Variants in DNAH7 observed in about 807,000 individuals in gnomAD.
The protein encoded by DNAH7 is axonemal beta dynein heavy chain 7.
Under a neutral mutation model 444.6 loss-of-function variants are expected in DNAH7, and 397 were observed. The ratio of observed to expected loss-of-function variants is 0.89; its 90% CI spans 0.82 to 0.97. DNAH7 has a LOEUF of 0.97. DNAH7 is among the 50% of genes least tolerant of loss of function. The probability of loss-of-function intolerance (pLI) is 0.00; values close to 1 mark genes in which losing one functional copy is unlikely to be tolerated. For missense variants in DNAH7, 4,902 were observed against 4,800.8 expected, an observed-to-expected ratio of 1.02 and a Z score of -0.62; for synonymous variants, 1,636 against 1,624.4, an observed-to-expected ratio of 1.01 and a Z score of -0.17.
intron 17 of DNAH7, among the ~76,000 whole-genome samples, chr2:195,968,610 T>A (rs1691642546): frequency 6.6e-6 from 1 of 152,128 alleles, no homozygotes; most frequent in Non-Finnish European, 1.5e-5. Flanking sequence ...CATAAGCACT[T>A]CCTCAGCCAC....
chr2:195,849,702 GCAATC>G (rs1699232426), intron 46 of DNAH7, among the ~76,000 whole-genome samples: 1 of 152,070 alleles, frequency 6.6e-6, no homozygotes, highest in Non-Finnish European at 1.5e-5. Flanking sequence ...CTGGGCTCAA[GCAATC>G]CACCCACCTC....
intron 15 of DNAH7, 37 bp from the exon 16 acceptor site, chr2:195,972,503 G>C: frequency 2.0e-6 from 3 of 1,486,024 alleles, no homozygotes; most frequent in Non-Finnish European, 2.8e-6. Context: ...ACATTTTAAC[G>C]AACAGCTCAT....
At chr2:196,005,728 A>G (rs924709563) in intron 10 of DNAH7, among the ~76,000 whole-genome samples, 4 of 152,182 alleles carry the variant, frequency 2.6e-5, no homozygotes, top group Non-Finnish European at 4.4e-5. Flanking sequence ...AATAATTTAC[A>G]AACCTTCCAG....
At position 195,960,713 on chromosome 2, in the gene DNAH7, G is replaced by A; in HGVS notation, c.2438C>T (p.Thr813Ile). 1.2e-6 allele frequency: 2 copies of A among 1,614,086 alleles called. No individual in the cohort carries two copies. The highest frequency in any genetic ancestry group is 1.7e-6 in the Non-Finnish European group (2 of 1,180,010). ...YWRGLYKLEK[T>I]FHDSPYALAM... The stretch of plus-strand genomic sequence containing the variant: ...CAATGCATATGGAGAATCATGAAAG[G>A]TTTTCTCCAGTTTATATAATCCTCT... The change falls in exon 18 of 65, where the codon ACC becomes ATC. Residue 813 changes from threonine to isoleucine, a missense_variant. Transcript: ENST00000312428.
intron 19 of DNAH7, among the ~76,000 whole-genome samples, chr2:195,955,192 A>C (rs1456991127): frequency 6.6e-6 from 1 of 152,156 alleles, no homozygotes; most frequent in African/African-American, 2.4e-5. Flanking sequence ...ATCTTGACTT[A>C]ATTTTTGTAT....
intron 54 of DNAH7, among the ~76,000 whole-genome samples, chr2:195,801,960 T>C (rs1476467120): frequency 2.0e-5 from 3 of 152,184 alleles, no homozygotes; most frequent in Non-Finnish European, 4.4e-5. Context: ...AACACATTTA[T>C]AAATGCCTGA....
intron 10 of DNAH7, among the ~76,000 whole-genome samples, chr2:196,004,173 C>T (rs1253435526): frequency 1.3e-5 from 2 of 152,112 alleles, no homozygotes; most frequent in Admixed American, 6.5e-5. Context: ...AAAAGGGAGG[C>T]ACTGAACTGG....
chr2:195,876,557 AAAG>A lies in DNAH7; in HGVS notation c.6101_6103del (p.Pro2034del). Reference sequence around the variant, plus strand: ...AAGAGTCATTACCATTCTCTTGCCCAAAGGAGGACCAAAAACTCCCTTTCTTCT... The same window carrying A: ...AAGAGTCATTACCATTCTCTTGCCCAGAGGACCAAAAACTCCCTTTCTTCT... On this transcript the variant is annotated inframe_deletion, in exon 37 of 65. Transcript: ENST00000312428. The A allele has an allele frequency of 6.2e-7, 1 of 1,613,864 alleles. No individual in the cohort carries two copies. The highest frequency in any genetic ancestry group is 8.5e-7 in the Non-Finnish European group (1 of 1,179,844).
chr2:195,824,498 A>G (rs1697624707), intron 48 of DNAH7, 53 bp from the exon 49 acceptor site: 2 of 1,414,178 alleles, frequency 1.4e-6, no homozygotes, highest in Non-Finnish European at 1.9e-6. Context: ...GACTATAAAT[A>G]TTATAAATAT....
At chr2:195,803,200 G>T (rs113939641) in intron 54 of DNAH7, among the ~76,000 whole-genome samples, 255 of 152,300 alleles carry the variant, frequency 1.7e-3, no homozygotes, top group African/African-American at 6.1e-3. Flanking sequence ...CTAACTTCAT[G>T]AAATTATAGT....
intron 17 of DNAH7, among the ~76,000 whole-genome samples, chr2:195,963,897 T>C (rs1691284026): frequency 6.6e-6 from 1 of 152,358 alleles, no homozygotes; most frequent in South Asian, 2.1e-4. Flanking sequence ...CTTGGCACTT[T>C]TCTCTAAAAT....
intron 48 of DNAH7, among the ~76,000 whole-genome samples, chr2:195,827,420 G>A (rs555013558): frequency 3.3e-4 from 50 of 151,944 alleles, no homozygotes; most frequent in Admixed American, 6.6e-4. Context: ...TGGGACTACA[G>A]GTGGGTACCA....
intron 46 of DNAH7, 151 bp from the exon 47 acceptor site, chr2:195,845,316 T>C: frequency 1.7e-6 from 1 of 605,000 alleles, no homozygotes; most frequent in Non-Finnish European, 2.6e-6. Flanking sequence ...CAGATTCTTA[T>C]TTCAAATAAA....
chr2:195,765,353 C>A (rs1021745285), intron 61 of DNAH7, among the ~76,000 whole-genome samples: 11 of 152,034 alleles, frequency 7.2e-5, no homozygotes, highest in Non-Finnish European at 1.5e-5. Flanking sequence ...CAGGCACAGA[C>A]AAACAAAGCA....
intron 22 of DNAH7, among the ~76,000 whole-genome samples, chr2:195,924,851 A>T (rs1322701656): frequency 6.6e-6 from 1 of 152,222 alleles, no homozygotes; most frequent in Non-Finnish European, 1.5e-5. Flanking sequence ...AAATCTAATG[A>T]GTAAGTTAAA....
intron 58 of DNAH7, among the ~76,000 whole-genome samples, chr2:195,786,413 T>C (rs746412421): frequency 4.6e-5 from 7 of 152,156 alleles, no homozygotes; most frequent in East Asian, 1.9e-4. Context: ...AAAAATCCCA[T>C]TGATAAATAG....
At position 195,973,352 on chromosome 2, in the gene DNAH7, G is replaced by A. The variant is rs545726630; in HGVS notation, c.1834-886C>T. Among the ~76,000 whole-genome samples, 21 of 152,280 alleles carry A rather than the reference G, an allele frequency of 1.4e-4. No homozygotes were observed. In the South Asian group the frequency reaches 4.4e-3, roughly 32 times the overall value. On this transcript the variant is annotated intron_variant, in intron 15 of 64. Transcript: ENST00000312428. ...AATGAAATTCTTGTTTTATGGGTGG[G>A]TATTGGGCGCGTGGGAATGTGATAA...
In DNAH7 at chr2:195,775,878, G is replaced by A. The variant is rs779889296; in HGVS notation, c.11170C>T (p.Gln3724Ter). 1 of 1,614,150 alleles carries A rather than the reference G, an allele frequency of 6.2e-7. No individual in the cohort carries two copies. The highest frequency in any genetic ancestry group is 8.5e-7 in the Non-Finnish European group (1 of 1,180,020). Reference sequence around the variant, plus strand: ...AGAAGAATGTTATCAAATAGCAGCTGAGTTTCTGACTGATCCTTAGTGATA... The same window carrying A: ...AGAAGAATGTTATCAAATAGCAGCTAAGTTTCTGACTGATCCTTAGTGATA... ...ADITKDQSET[Q>*]LLFDNILLTQ... Residue 3724 changes from glutamine (Q) to a stop codon, truncating the protein, a stop_gained, in exon 60 of 65, where the codon CAG (glutamine) becomes TAG (stop). Transcript: ENST00000312428. LOFTEE classifies it high-confidence loss of function.
Position 195,920,325 on chromosome 2 carries a change from T to G in DNAH7, c.3935+1763A>C, listed in dbSNP as rs572958849. Among the ~76,000 whole-genome samples, 74 of 152,270 alleles carry G rather than the reference T, an allele frequency of 4.9e-4. 2 individuals are homozygous for G. In the South Asian group the frequency reaches 8.9e-3, roughly 18 times the overall value. ...AACTTCAAACTACACTATAAGGCTA[T>G]AGTTACCAAAACAGCATGGTACTAG... On this transcript the variant is annotated intron_variant, in intron 24 of 64. Transcript: ENST00000312428.
Sources: allele counts gnomAD v4.1 joint callset (sites outside exome capture counted in the v4.1 genomes callset), GRCh38; gene constraint gnomAD v4.1.1; transcripts MANE v1.5; gene names NCBI Gene and HGNC (gene_info 2026-07-23, HGNC 2026-07-21).